ZNF727: variants seen among roughly 807,000 people sequenced by gnomAD.
ZNF727 encodes zinc finger protein 727.
Under a neutral mutation model 11.5 loss-of-function variants are expected in ZNF727, and 11 were observed. The ratio of observed to expected loss-of-function variants is 0.95; its 90% CI spans 0.60 to 1.58. The LOEUF (loss-of-function observed/expected upper bound fraction) is 1.58. ZNF727 is among the 40% of genes most tolerant of loss of function. ZNF727 has a pLI of 0.00. For missense variants in ZNF727, 533 were observed against 581.7 expected, an observed-to-expected ratio of 0.92 and a Z score of 0.86; for synonymous variants, 171 against 196.1, an observed-to-expected ratio of 0.87 and a Z score of 1.07.
chr7:64,054,438 A>G (rs896860712), intron 1 of ZNF727, among the ~76,000 whole-genome samples: 2 of 152,152 alleles, frequency 1.3e-5, no homozygotes, highest in South Asian at 2.1e-4. Flanking sequence ...TTCTATCTTA[A>G]TAGCTGCTGA....
In ZNF727 at chr7:64,082,820, T is replaced by C. The variant is rs2116341957; in HGVS notation, c.*4271T>C. ...TTGCTTGAACCCAGGAGGCAGATGT[T>C]GCTGTGAGCGGAGATTGTGCCACTG... On this transcript the variant is annotated 3_prime_UTR_variant, in exon 4 of 4. Coordinates refer to ENST00000456806, the MANE Select transcript of ZNF727 (RefSeq NM_001159522.3). Among the ~76,000 whole-genome samples the C allele has an allele frequency of 6.6e-6, 1 of 151,814 alleles. No individual in the cohort carries two copies. Among genetic ancestry groups the C allele is most frequent in the Non-Finnish European group, 1.5e-5 (1 of 67,960 alleles).
rs1785821136 is a variant in ZNF727, at chr7:64,083,251, C to T, written c.*4702C>T. 6.6e-6 allele frequency among the ~76,000 whole-genome samples: 1 copy of T among 152,186 alleles called. No individual in the cohort carries two copies. Among genetic ancestry groups the T allele is most frequent in the Non-Finnish European group, 1.5e-5 (1 of 68,040 alleles). On this transcript the variant is annotated 3_prime_UTR_variant, in exon 4 of 4. Transcript: ENST00000456806. ...TCCCCGATCAGCTTGGGCTCTTCAACACATGAAGGTTGGAATGGCTAAGTT... is the reference window on the plus strand; with the variant it reads ...TCCCCGATCAGCTTGGGCTCTTCAATACATGAAGGTTGGAATGGCTAAGTT...
rs1002193504 is a variant in ZNF727 at position 64,068,955 on chromosome 7, C to T, written c.68C>T (p.Ser23Phe). ...FSPEEWECLDSAQQRLYRDVM... is the reference protein window; with the variant it reads ...FSPEEWECLDFAQQRLYRDVM... Reference sequence around the variant, plus strand: ...CCAGAAGAGTGGGAATGCCTGGACTCTGCTCAGCAGCGTTTGTATAGGGAT... The same window carrying T: ...CCAGAAGAGTGGGAATGCCTGGACTTTGCTCAGCAGCGTTTGTATAGGGAT... Residue 23 changes from serine to phenylalanine, a missense_variant, in exon 2 of 4, where the codon TCT becomes TTT. Physicochemically the swap from Ser to Phe is radical, Grantham distance 155 (BLOSUM62 -2). Transcript: ENST00000456806. 1.9e-6 allele frequency: 3 copies of T among 1,606,682 alleles called. No homozygotes were observed. Among genetic ancestry groups the T allele is most frequent in the African/African-American group, 2.7e-5 (2 of 74,620 alleles).
rs1789925657 is a variant in ZNF727, at chr7:64,069,526, T to C, written c.143T>C (p.Phe48Ser). 2 of 1,556,630 alleles carry C rather than the reference T, an allele frequency of 1.3e-6. No homozygotes were observed. The highest frequency in any genetic ancestry group is 1.7e-6 in the Non-Finnish European group (2 of 1,149,328). Residue 48 changes from phenylalanine to serine, a missense_variant, in exon 3 of 4, where the codon TTT (phenylalanine) becomes TCT (serine). By Grantham distance (155) the Phe-to-Ser change is radical. Coordinates refer to ENST00000456806, the MANE Select transcript of ZNF727 (RefSeq NM_001159522.3). ...TCTAATAAAACAGGTCTTGCTATCT[T>C]TAAGCCAGACTTGATTACCTATCTG... ...GNLFSLGLAI[F>S]KPDLITYLEQ... is the part of the protein sequence containing the mutation.
intron 1 of ZNF727, among the ~76,000 whole-genome samples, chr7:64,046,603 T>G (rs1389700096): frequency 1.3e-5 from 2 of 152,232 alleles, no homozygotes; most frequent in Non-Finnish European, 2.9e-5. Flanking sequence ...TTAAGCTTCC[T>G]GGGTGGGGCC....
At chr7:64,074,900 A>G (rs2116323997) in intron 3 of ZNF727, among the ~76,000 whole-genome samples, 1 of 152,186 alleles carries the variant, frequency 6.6e-6, no homozygotes. Flanking sequence ...CATTATTTTT[A>G]AATTTTATCT....
chr7:64,049,171 C>T (rs1789553504), intron 1 of ZNF727, among the ~76,000 whole-genome samples: 1 of 151,742 alleles, frequency 6.6e-6, no homozygotes, highest in South Asian at 2.1e-4. Context: ...TTAAGAAAAC[C>T]TTATAAACAG....
In ZNF727 at chr7:64,077,355, A is replaced by G. The variant is rs757141440; in HGVS notation, c.306A>G (p.Lys102=). The change falls in exon 4 of 4, where the codon AAA becomes AAG. Residue 102 remains lysine (K), a synonymous_variant. Coordinates refer to ENST00000456806, the MANE Select transcript of ZNF727 (RefSeq NM_001159522.3). ...CATTTCAAAAAGTGATCCTGAGAAA[A>G]TCTGGAAGCTGTGACCTTAATACTT... ...NDSFQKVILR[K]SGSCDLNTLR... is the part of the protein sequence containing the mutation. 28 of 1,551,410 alleles carry G rather than the reference A, an allele frequency of 1.8e-5. No individual in the cohort carries two copies. The highest frequency in any genetic ancestry group is 2.3e-5 in the Non-Finnish European group (26 of 1,146,922).
At chr7:64,066,872 A>G (rs1320005954) in intron 1 of ZNF727, among the ~76,000 whole-genome samples, 1 of 152,236 alleles carries the variant, frequency 6.6e-6, no homozygotes, top group Non-Finnish European at 1.5e-5. Context: ...GGCAGCCTAC[A>G]GAATGGGAGA....
At chr7:64,075,717 C>A (rs1273043396) in intron 3 of ZNF727, among the ~76,000 whole-genome samples, 1 of 151,968 alleles carries the variant, frequency 6.6e-6, no homozygotes, top group Non-Finnish European at 1.5e-5. Context: ...ACAATAGATG[C>A]TGGAGACCAC....
rs771015568 is a variant in ZNF727, at chr7:64,078,283, A to G, written c.1234A>G (p.Ile412Val). ...AAGCTTTACCTGCTCCTCAAACCTT[A>G]TTAAACACAAGAGAATTCATATGGA... ...GKSFTCSSNL[I>V]KHKRIHMEVR... Residue 412 changes from isoleucine (I) to valine (V), a missense_variant, in exon 4 of 4, where the codon ATT (isoleucine) becomes GTT (valine). By Grantham distance (29) the Ile-to-Val change is conservative (BLOSUM62 3). This residue lies in a region of ZNF727 where 463 missense variants were observed against 494.5 expected (regional missense o/e 0.94). Coordinates refer to ENST00000456806, the MANE Select transcript of ZNF727 (RefSeq NM_001159522.3). 5 of 1,592,728 alleles carry G rather than the reference A, an allele frequency of 3.1e-6. No homozygotes were observed. In the South Asian group the frequency reaches 5.6e-5, roughly 18 times the overall value.
intron 1 of ZNF727, among the ~76,000 whole-genome samples, chr7:64,056,614 C>A (rs963854917): frequency 8.1e-6 from 1 of 122,798 alleles, no homozygotes; most frequent in African/African-American, 2.8e-5. Flanking sequence ...AAATATTTAT[C>A]AGTGTAGTTA....
intron 1 of ZNF727, among the ~76,000 whole-genome samples, chr7:64,053,986 C>G (rs1789643334): frequency 6.6e-6 from 1 of 152,126 alleles, no homozygotes; most frequent in Non-Finnish European, 1.5e-5. Flanking sequence ...GGGGTGGAAG[C>G]AGTAGGGGGA....
rs777143045 is a variant in ZNF727 at position 64,069,622 on chromosome 7, G to A, written c.226+13G>A. ...GCCAAACACCCAGGTAGGTGGGAGT[G>A]AGTGAAGCAAATGACATAAATGACG... On this transcript the variant is annotated intron_variant, in intron 3 of 3. Transcript: ENST00000456806. 1.2e-5 allele frequency: 18 copies of A among 1,542,630 alleles called. No homozygotes were observed. The African/African-American group carries it at 2.3e-4, about 20-fold the overall frequency.
chr7:64,062,268 T>C (rs1789783709), intron 1 of ZNF727, among the ~76,000 whole-genome samples: 1 of 152,116 alleles, frequency 6.6e-6, no homozygotes, highest in African/African-American at 2.4e-5. Context: ...GTGTCCTTCA[T>C]ATTACCAGTG....
At position 64,055,731 on chromosome 7, in the gene ZNF727, T is replaced by G. The variant is rs190954489; in HGVS notation, c.3+10107T>G. 2.2e-4 allele frequency among the ~76,000 whole-genome samples: 34 copies of G among 152,368 alleles called. No individual in the cohort carries two copies. In the East Asian group the frequency reaches 6.2e-3, roughly 28 times the overall value. On this transcript the variant is annotated intron_variant, in intron 1 of 3. Transcript: ENST00000456806. ...TAAGGGTTAATAATATTTCATTGCATGTAAATAACGCATTTTGTTTATTCA... is the reference window on the plus strand; with the variant it reads ...TAAGGGTTAATAATATTTCATTGCAGGTAAATAACGCATTTTGTTTATTCA...
chr7:64,072,371 T>C (rs1789975804), intron 3 of ZNF727, among the ~76,000 whole-genome samples: 1 of 152,086 alleles, frequency 6.6e-6, no homozygotes, highest in South Asian at 2.1e-4. Context: ...CTGAATTGCC[T>C]TTAGGACTTT....
intron 1 of ZNF727, among the ~76,000 whole-genome samples, chr7:64,061,103 CT>C (rs1238503870): frequency 6.6e-6 from 1 of 152,092 alleles, no homozygotes; most frequent in Non-Finnish European, 1.5e-5. Flanking sequence ...ATGGTCTATC[CT>C]TGAGAATAAC....
rs966722139 is a variant in ZNF727, at chr7:64,082,961, A to G, written c.*4412A>G. Among the ~76,000 whole-genome samples, 4 of 152,010 alleles carry G rather than the reference A, an allele frequency of 2.6e-5. No individual in the cohort carries two copies. Among genetic ancestry groups the G allele is most frequent in the African/African-American group, 4.8e-5 (2 of 41,408 alleles). On this transcript the variant is annotated 3_prime_UTR_variant, in exon 4 of 4. Coordinates refer to ENST00000456806, the MANE Select transcript of ZNF727 (RefSeq NM_001159522.3). ...GTGCAGAAGTACCACTTCCACCCCC[A>G]GTTTATTTGGACTCTTCAAAGCCAG...
Sources: allele counts gnomAD v4.1 joint callset (sites outside exome capture counted in the v4.1 genomes callset), GRCh38; gene constraint gnomAD v4.1.1; regional missense constraint gnomAD v4.1.1; transcripts MANE v1.5; gene names NCBI Gene and HGNC (gene_info 2026-07-23, HGNC 2026-07-21).